Variants in MYT1 observed in about 807,000 individuals in gnomAD.
MYT1 encodes the protein myelin transcription factor I.
In MYT1, 23 loss-of-function variants were observed where a neutral mutation model predicts 123.0. The ratio of observed to expected loss-of-function variants is 0.19; its 90% CI spans 0.13 to 0.26. The LOEUF (loss-of-function observed/expected upper bound fraction) is 0.26. MYT1 is among the 10% of genes least tolerant of loss of function. The pLI is 1.00. For missense variants in MYT1, 1,125 were observed against 1,472.5 expected, an observed-to-expected ratio of 0.76 and a Z score of 3.86; for synonymous variants, 518 against 575.3, an observed-to-expected ratio of 0.90 and a Z score of 1.43.
chr20:64,217,205 C>T lies in MYT1; in HGVS notation c.1770C>T (p.Phe590=), dbSNP rs772557307. Reference sequence around the variant, plus strand: ...AGGTCACCTTTGACTACGCAAGTTTCGATGCTCAGGTTTTTGGCAAACGCA... The same window carrying T: ...AGGTCACCTTTGACTACGCAAGTTTTGATGCTCAGGTTTTTGGCAAACGCA... The part of the protein sequence containing the change: ...FSKVTFDYAS[F]DAQVFGKRML... The change falls in exon 11 of 23, where the codon TTC becomes TTT. Residue 590 remains phenylalanine, a synonymous_variant. Transcript: ENST00000328439. The T allele has an allele frequency of 4.3e-6, 7 of 1,614,114 alleles. No individual in the cohort carries two copies. Among genetic ancestry groups the T allele is most frequent in the Admixed American group, 1.7e-5 (1 of 60,012 alleles).
intron 16 of MYT1, among the ~76,000 whole-genome samples, chr20:64,226,807 T>A (rs1362818434): frequency 3.3e-5 from 5 of 152,382 alleles, no homozygotes; most frequent in South Asian, 4.1e-4. Context: ...TGTAAGCCAC[T>A]GGCTGTGTGA....
chr20:64,215,373 T>G (rs1317384843), intron 10 of MYT1, among the ~76,000 whole-genome samples: 1 of 152,212 alleles, frequency 6.6e-6, no homozygotes, highest in Non-Finnish European at 1.5e-5. Flanking sequence ...GAATACTCAC[T>G]GAACGCTAGA....
At chr20:64,170,893 A>AGAGAGG (rs1982250501) in intron 1 of MYT1, among the ~76,000 whole-genome samples, 2 of 60,658 alleles carry the variant, frequency 3.3e-5, no homozygotes, top group Non-Finnish European at 6.2e-5. Flanking sequence ...ATAGAGAGAG[A>AGAGAGG]GAGAGAGAGA....
chr20:64,205,586 G>A lies in MYT1; in HGVS notation c.183G>A (p.Lys61=). ...LQSCPLAKKR[K]LEGAEAEHLV... ...GCTGCCCCCTGGCCAAGAAGAGGAAGCTGGAGGGCGCTGAGGCTGAGCACC... is the reference window on the plus strand; with the variant it reads ...GCTGCCCCCTGGCCAAGAAGAGGAAACTGGAGGGCGCTGAGGCTGAGCACC... Residue 61 remains lysine (K), a synonymous_variant, in exon 6 of 23, where the codon AAG becomes AAA. Coordinates refer to ENST00000328439, the MANE Select transcript of MYT1 (RefSeq NM_004535.3). 6.2e-7 allele frequency: 1 copy of A among 1,614,146 alleles called. No individual in the cohort carries two copies.
intron 18 of MYT1, 109 bp downstream of exon 18, chr20:64,228,080 G>T (rs1984222585): frequency 1.9e-6 from 2 of 1,059,794 alleles, no homozygotes; most frequent in Admixed American, 2.3e-5. Flanking sequence ...AATACAACGG[G>T]TCACCTAACT....
chr20:64,188,612 T>A (rs146379233), intron 1 of MYT1, among the ~76,000 whole-genome samples: 43 of 152,334 alleles, frequency 2.8e-4, no homozygotes, highest in African/African-American at 1.0e-3. Flanking sequence ...ACTTACGGAA[T>A]CTTCCAATAT....
At chr20:64,169,779 G>C (rs1011692659) in intron 1 of MYT1, among the ~76,000 whole-genome samples, 17 of 152,204 alleles carry the variant, frequency 1.1e-4, no homozygotes, top group Non-Finnish European at 2.2e-4. Flanking sequence ...GACTTAGGTC[G>C]TAAGGGGCAG....
chr20:64,208,360 G>A lies in MYT1; in HGVS notation c.1164G>A (p.Lys388=), dbSNP rs772736948. The change falls in exon 7 of 23, where the codon AAG becomes AAA. Residue 388 remains lysine, a synonymous_variant. Transcript: ENST00000328439. This position sits in a 1 kb window ranked among gnomAD's most constrained non-coding sequence, Gnocchi z 5.4. ...TCCTGGAGCAGGCCATCGCCCTGAA[G>A]GCTGAACAGGTGCGCACAGTCTGCG... ...LGLLEQAIAL[K]AEQVRTVCEP... 3 of 1,613,908 alleles carry A rather than the reference G, an allele frequency of 1.9e-6. No homozygotes were observed. Among genetic ancestry groups the A allele is most frequent in the Admixed American group, 3.3e-5 (2 of 60,030 alleles).
intron 20 of MYT1, 75 bp from the exon 21 acceptor site, chr20:64,237,212 C>T: frequency 1.6e-6 from 2 of 1,231,694 alleles, no homozygotes; most frequent in South Asian, 2.6e-5. Context: ...TTCTAGAAAG[C>T]AGGCTTCCCC....
rs1212364740 is a variant in MYT1, at chr20:64,241,633, A to T, written c.*1185A>T. On this transcript the variant is annotated 3_prime_UTR_variant, in exon 23 of 23. Coordinates refer to ENST00000328439, the MANE Select transcript of MYT1 (RefSeq NM_004535.3). The surrounding 1 kb of genome is among the most constrained non-coding windows in gnomAD (Gnocchi z 4.2). The stretch of plus-strand genomic sequence containing the variant: ...TGCTATTTATTTAACATTTTTATTT[A>T]TTAATTTTATACTATTTCAACTAGA... 1 of 152,506 alleles carries T rather than the reference A, an allele frequency of 6.6e-6. No homozygotes were observed. Among genetic ancestry groups the T allele is most frequent in the African/African-American group, 2.4e-5 (1 of 41,452 alleles). 9.4% of individuals were successfully genotyped at this position (152,506 alleles called of 1,614,324 possible).
At chr20:64,217,401 C>CA in intron 11 of MYT1, 120 bp downstream of exon 11, 1 of 1,075,048 alleles carries the variant, frequency 9.3e-7, no homozygotes, top group Non-Finnish European at 1.4e-6. Flanking sequence ...ACTCTACCCT[C>CA]ATGGGAGGAC....
At chr20:64,230,104 G>A (rs1202933661) in intron 18 of MYT1, among the ~76,000 whole-genome samples, 2 of 152,220 alleles carry the variant, frequency 1.3e-5, no homozygotes, top group East Asian at 3.8e-4. Context: ...CAGGTTTTGT[G>A]AGAAAGAGAA....
At position 64,207,644 on chromosome 20, in the gene MYT1, A is replaced by G; in HGVS notation, c.448A>G (p.Thr150Ala). Residue 150 changes from threonine to alanine, a missense_variant, in exon 7 of 23, where the codon ACT becomes GCT. Thr to Ala is a moderately conservative substitution (Grantham distance 58, BLOSUM62 0). Transcript: ENST00000328439. Reference protein sequence around the residue: ...HFGSNPIGSATASSKGSYSSY... With the variant: ...HFGSNPIGSAAASSKGSYSSY... The stretch of plus-strand genomic sequence containing the variant: ...TGGATCCAACCCCATCGGCAGCGCC[A>G]CTGCCTCCTCCAAGGGCAGCTACAG... The G allele has an allele frequency of 1.9e-6, 3 of 1,613,864 alleles. No homozygotes were observed. The Admixed American group carries it at 5.0e-5, about 27-fold the overall frequency.
intron 21 of MYT1, among the ~76,000 whole-genome samples, chr20:64,237,680 A>T: frequency 6.6e-6 from 1 of 152,198 alleles, no homozygotes; most frequent in Non-Finnish European, 1.5e-5. Flanking sequence ...TCCCATTAAG[A>T]TTAGCAGCAC....
At position 64,218,007 on chromosome 20, in the gene MYT1, G is replaced by A. The variant is rs1335004490; in HGVS notation, c.1846+726G>A. On this transcript the variant is annotated intron_variant, in intron 11 of 22. Transcript: ENST00000328439. This position sits in a 1 kb window ranked among gnomAD's most constrained non-coding sequence, Gnocchi z 4.0. ...CACATGAGATTGGGAGTGGCATCGCGGGGCAGATGTTGTCAGCCCCAAACA... is the reference window on the plus strand; with the variant it reads ...CACATGAGATTGGGAGTGGCATCGCAGGGCAGATGTTGTCAGCCCCAAACA... Among the ~76,000 whole-genome samples, 2 of 152,196 alleles carry A rather than the reference G, an allele frequency of 1.3e-5. No individual in the cohort carries two copies. Among genetic ancestry groups the A allele is most frequent in the Non-Finnish European group, 2.9e-5 (2 of 68,040 alleles).
intron 10 of MYT1, among the ~76,000 whole-genome samples, chr20:64,216,574 C>T (rs574816651): frequency 6.6e-6 from 1 of 152,346 alleles, no homozygotes; most frequent in Admixed American, 6.5e-5. Context: ...GAGGCCACTC[C>T]TCAGAAATGC....
rs951013395 is a variant in MYT1, at chr20:64,167,241, C to T, written c.-99+2502C>T. On this transcript the variant is annotated intron_variant, in intron 1 of 22. Coordinates refer to ENST00000328439, the MANE Select transcript of MYT1 (RefSeq NM_004535.3). The surrounding 1 kb of genome is among the most constrained non-coding windows in gnomAD (Gnocchi z 6.3). The stretch of plus-strand genomic sequence containing the variant: ...ACTGACAAAGTGCCAGAGAGAAACC[C>T]GGGGCCTCCAGCCGCTGCTCGGTGG... 2.0e-5 allele frequency among the ~76,000 whole-genome samples: 3 copies of T among 152,178 alleles called. No homozygotes were observed. The highest frequency in any genetic ancestry group is 2.9e-5 in the Non-Finnish European group (2 of 68,032).
chr20:64,184,792 G>A (rs1170643645), intron 1 of MYT1, among the ~76,000 whole-genome samples: 6 of 152,194 alleles, frequency 3.9e-5, no homozygotes, highest in African/African-American at 1.2e-4. Flanking sequence ...ACTGAAGAGG[G>A]GAAGAGGAAA....
At position 64,193,772 on chromosome 20, in the gene MYT1, T is replaced by C. The variant is rs1983029729; in HGVS notation, c.-1+3612T>C. ...TTCTAGGTCTCTGGGAGGAAAACCA[T>C]TATGCAAGAGGCTCAACCGTCCCAC... On this transcript the variant is annotated intron_variant, in intron 2 of 22. Transcript: ENST00000328439. The surrounding 1 kb of genome is among the most constrained non-coding windows in gnomAD (Gnocchi z 4.0). 6.6e-6 allele frequency among the ~76,000 whole-genome samples: 1 copy of C among 152,096 alleles called. No individual in the cohort carries two copies. The highest frequency in any genetic ancestry group is 2.4e-5 in the African/African-American group (1 of 41,406).
Sources: allele counts gnomAD v4.1 joint callset (sites outside exome capture counted in the v4.1 genomes callset), GRCh38; gene constraint gnomAD v4.1.1; non-coding constraint Gnocchi (gnomAD v3.1); transcripts MANE v1.5; gene names NCBI Gene and HGNC (gene_info 2026-07-23, HGNC 2026-07-21).